SCN9A: variants seen among roughly 807,000 people sequenced by gnomAD.
SCN9A encodes the protein sodium voltage-gated channel alpha subunit 9, also known as sodium channel protein type 9 subunit alpha.
In SCN9A, 131 loss-of-function variants were observed where a neutral mutation model predicts 187.0. That is an observed-to-expected ratio of 0.70 (90% CI 0.61 to 0.81). The LOEUF (loss-of-function observed/expected upper bound fraction) is 0.81. SCN9A is among the 30% of genes least tolerant of loss of function. The probability of loss-of-function intolerance (pLI) is 0.00; values close to 1 mark genes in which losing one functional copy is unlikely to be tolerated. For synonymous variants in SCN9A, 809 were observed against 808.6 expected, an observed-to-expected ratio of 1.00 and a Z score of -0.01; for missense variants, 2,252 against 2,396.6, an observed-to-expected ratio of 0.94 and a Z score of 1.26.
intron 1 of SCN9A, among the ~76,000 whole-genome samples, chr2:166,356,912 C>T (rs1195533533): frequency 6.6e-6 from 1 of 152,072 alleles, no homozygotes; most frequent in Non-Finnish European, 1.5e-5. Flanking sequence ...CAATAATTAT[C>T]TTCTCATTAG....
intron 17 of SCN9A, among the ~76,000 whole-genome samples, chr2:166,269,719 A>C (rs1040960740): frequency 8.5e-5 from 13 of 152,112 alleles, no homozygotes; most frequent in African/African-American, 3.1e-4. Flanking sequence ...TTTTGTCAGC[A>C]GCTAAGGAGA....
At chr2:166,372,983 A>T (rs1408311680) in intron 1 of SCN9A, among the ~76,000 whole-genome samples, 2 of 152,204 alleles carry the variant, frequency 1.3e-5, no homozygotes, top group Non-Finnish European at 2.9e-5. Context: ...AACACGGGAC[A>T]ACCTACTTTT....
chr2:166,374,766 C>T (rs1293272738), intron 1 of SCN9A, among the ~76,000 whole-genome samples: 2 of 151,966 alleles, frequency 1.3e-5, no homozygotes, highest in Non-Finnish European at 2.9e-5. Flanking sequence ...CACTGACTTC[C>T]TATTCAGTAA....
intron 2 of SCN9A, 122 bp downstream of exon 2, chr2:166,311,377 T>TATATTTAAA (rs1698948594): frequency 7.5e-6 from 1 of 133,228 alleles, no homozygotes; most frequent in Non-Finnish European, 1.5e-5. Context: ...TATATATATA[T>TATATTTAAA]TTAATTTAAC....
chr2:166,222,604 G>A (rs1694635688), intron 24 of SCN9A, among the ~76,000 whole-genome samples: 1 of 151,280 alleles, frequency 6.6e-6, no homozygotes, highest in African/African-American at 2.4e-5. Context: ...CTCCAGCCTG[G>A]TGACAGAGTG....
chr2:166,278,167 T>G lies in SCN9A; in HGVS notation c.2490A>C (p.Gly830=), dbSNP rs1234434952. 14 of 1,612,924 alleles carry G rather than the reference T, an allele frequency of 8.7e-6. No homozygotes were observed. Among genetic ancestry groups the G allele is most frequent in the Non-Finnish European group, 1.2e-5 (14 of 1,179,600 alleles). ...GTCTGAATGATCGCAGAACTGACAATCCTTCCACATCTGCTAGAAAGAGCT... is the reference window on the plus strand; with the variant it reads ...GTCTGAATGATCGCAGAACTGACAAGCCTTCCACATCTGCTAGAAAGAGCT... ...LVELFLADVE[G]LSVLRSFRLL... is the part of the protein sequence containing the mutation. Residue 830 remains glycine (G), a synonymous_variant, in exon 15 of 27, where the codon GGA becomes GGC. Coordinates refer to ENST00000642356, the MANE Select transcript of SCN9A (RefSeq NM_001365536.1).
chr2:166,243,920 T>C (rs1273276371), intron 18 of SCN9A, among the ~76,000 whole-genome samples: 1 of 152,028 alleles, frequency 6.6e-6, no homozygotes, highest in Non-Finnish European at 1.5e-5. Context: ...TCTGGTCCAG[T>C]ATCCTGTCTG....
At chr2:166,295,820 T>C (rs2106508719) in intron 7 of SCN9A, among the ~76,000 whole-genome samples, 1 of 152,340 alleles carries the variant, frequency 6.6e-6, no homozygotes, top group East Asian at 1.9e-4. Context: ...TTTCCATGTT[T>C]CACCTTTCAT....
chr2:166,238,323 T>TAA lies in SCN9A; in HGVS notation c.3628-57_3628-56insTT. The TAA allele has an allele frequency of 1.0e-5, 12 of 1,188,954 alleles. No individual in the cohort carries two copies. The African/African-American group carries it at 2.0e-4, about 20-fold the overall frequency. The allele number at this position is 1,188,954 out of a possible 1,614,324, so 73.7% of individuals were successfully genotyped here. ...GCACAACTTAAGCTTCATGATTCATTTAAAAAAAACAGGAAAAATACAATT... is the reference window on the plus strand; with the variant it reads ...GCACAACTTAAGCTTCATGATTCATTAATAAAAAAAACAGGAAAAATACAATT... On this transcript the variant is annotated intron_variant, in intron 19 of 26. Coordinates refer to ENST00000642356, the MANE Select transcript of SCN9A (RefSeq NM_001365536.1).
At chr2:166,369,520 C>T in intron 1 of SCN9A, among the ~76,000 whole-genome samples, 1 of 151,060 alleles carries the variant, frequency 6.6e-6, no homozygotes, top group African/African-American at 2.4e-5. Flanking sequence ...TTCCCTTTTT[C>T]CTACCTGAAT....
chr2:166,294,825 A>G (rs1168799640), intron 7 of SCN9A, 163 bp from the exon 8 acceptor site: 6 of 464,666 alleles, frequency 1.3e-5, no homozygotes, highest in Non-Finnish European at 1.2e-5. Flanking sequence ...TTCTCCCTCA[A>G]ATATTTATTG....
At chr2:166,299,694 G>A (rs1255534547) in intron 7 of SCN9A, among the ~76,000 whole-genome samples, 1 of 150,762 alleles carries the variant, frequency 6.6e-6, no homozygotes, top group Non-Finnish European at 1.5e-5. Context: ...AGAGGTGTGT[G>A]TGTCCTTTCT....
At chr2:166,255,072 T>G (rs1325389171) in intron 17 of SCN9A, among the ~76,000 whole-genome samples, 2 of 150,932 alleles carry the variant, frequency 1.3e-5, no homozygotes, top group African/African-American at 4.9e-5. Flanking sequence ...ACTATCTCCT[T>G]GATTCAACCC....
chr2:166,350,384 A>G (rs1342821307), intron 1 of SCN9A, among the ~76,000 whole-genome samples: 2 of 152,338 alleles, frequency 1.3e-5, no homozygotes, highest in South Asian at 2.1e-4. Context: ...AGGTATCCCT[A>G]TATGTGCCTC....
intron 1 of SCN9A, among the ~76,000 whole-genome samples, chr2:166,360,529 ATAT>A (rs1358851604): frequency 6.6e-6 from 1 of 152,152 alleles, no homozygotes; most frequent in Non-Finnish European, 1.5e-5. Flanking sequence ...TGTATTTCCA[ATAT>A]TATTATACAT....
At chr2:166,210,052 C>T (rs1320090349) in intron 24 of SCN9A, among the ~76,000 whole-genome samples, 1 of 152,098 alleles carries the variant, frequency 6.6e-6, no homozygotes, top group Non-Finnish European at 1.5e-5. Flanking sequence ...GACTTGGAAC[C>T]AAGCCAAATG....
intron 24 of SCN9A, among the ~76,000 whole-genome samples, chr2:166,222,965 A>C (rs1197442698): frequency 1.4e-5 from 2 of 142,422 alleles, no homozygotes; most frequent in African/African-American, 2.9e-5. Context: ...AAAAAAAAAA[A>C]AAAAAAACAG....
intron 18 of SCN9A, among the ~76,000 whole-genome samples, chr2:166,246,002 A>G (rs1695772054): frequency 6.6e-6 from 1 of 151,978 alleles, no homozygotes; most frequent in East Asian, 1.9e-4. Context: ...CCAGCTCTAT[A>G]GAAATACAGC....
At chr2:166,329,747 C>T (rs1406591585) in intron 1 of SCN9A, among the ~76,000 whole-genome samples, 1 of 152,156 alleles carries the variant, frequency 6.6e-6, no homozygotes, top group East Asian at 1.9e-4. Flanking sequence ...GCAATGAGAA[C>T]ACACAGAAAA....
Sources: allele counts gnomAD v4.1 joint callset (sites outside exome capture counted in the v4.1 genomes callset), GRCh38; gene constraint gnomAD v4.1.1; transcripts MANE v1.5; gene names NCBI Gene and HGNC (gene_info 2026-07-23, HGNC 2026-07-21).